Variants in DOCK3 observed in about 807,000 individuals in gnomAD.
DOCK3 encodes dedicator of cytokinesis protein 3.
Under a neutral mutation model 265.6 loss-of-function variants are expected in DOCK3, and 60 were observed. That is an observed-to-expected ratio of 0.23 (90% CI 0.18 to 0.28). DOCK3 has a LOEUF of 0.28. Ranked by LOEUF, DOCK3 falls within the 10% of genes least tolerant of loss-of-function variation. DOCK3 has a pLI of 1.00. For synonymous variants in DOCK3, 881 were observed against 938.0 expected (o/e 0.94, Z 1.11); for missense variants, 1,981 against 2,594.3 (o/e 0.76, Z 5.14).
At chr3:50,854,591 A>ATTTTTTTTTTTTTTTTTTTTTT (rs1559726991) in intron 3 of DOCK3, among the ~76,000 whole-genome samples, 4 of 4,326 alleles carry the variant, frequency 9.2e-4, no homozygotes, top group Middle Eastern at 0.17. Flanking sequence ...CCATCACACC[A>ATTTTTTTTTTTTTTTTTTTTTT]GTTTTTTTTT....
At chr3:51,185,590 C>G (rs1176334128) in intron 12 of DOCK3, among the ~76,000 whole-genome samples, 1 of 152,138 alleles carries the variant, frequency 6.6e-6, no homozygotes, top group East Asian at 1.9e-4. Context: ...TGCATGTTCT[C>G]TCTCTCAGGG....
rs2080463216 is a variant in DOCK3 at position 51,270,985 on chromosome 3, T to C, written c.2526T>C (p.Asp842=). The change falls in exon 24 of 53, where the codon GAT becomes GAC. Residue 842 remains aspartate, a synonymous_variant. Coordinates refer to ENST00000266037, the MANE Select transcript of DOCK3 (RefSeq NM_004947.5). Reference sequence around the variant, plus strand: ...TGCAGTCCATTGCCAGGACAGTGGATAGCCGCCTGTTTTCTTTCTCAGGTA... The same window carrying C: ...TGCAGTCCATTGCCAGGACAGTGGACAGCCGCCTGTTTTCTTTCTCAGGTA... ...VKLQSIARTV[D]SRLFSFSESR... is the part of the protein sequence containing the mutation. The C allele has an allele frequency of 6.2e-7, 1 of 1,612,960 alleles. No individual in the cohort carries two copies. The highest frequency in any genetic ancestry group is 8.5e-7 in the Non-Finnish European group (1 of 1,179,454).
intron 22 of DOCK3, among the ~76,000 whole-genome samples, chr3:51,249,030 G>T (rs1301292302): frequency 1.3e-5 from 2 of 150,374 alleles, no homozygotes; most frequent in Non-Finnish European, 3.0e-5. Context: ...GAGCCTCTCC[G>T]CCCGGCAGCC....
At chr3:50,845,047 A>G (rs1226211612) in intron 3 of DOCK3, among the ~76,000 whole-genome samples, 1 of 152,186 alleles carries the variant, frequency 6.6e-6, no homozygotes, top group African/African-American at 2.4e-5. Flanking sequence ...ACATGGAGAA[A>G]TGCTCTCTCT....
chr3:51,160,511 G>A (rs1215930927), intron 11 of DOCK3, 44 bp from the exon 12 acceptor site: 1 of 1,565,248 alleles, frequency 6.4e-7, no homozygotes, highest in East Asian at 2.3e-5. Flanking sequence ...CTGGAGAGGA[G>A]CATGCTTTTC....
intron 9 of DOCK3, among the ~76,000 whole-genome samples, chr3:51,125,029 C>G (rs1415577196): frequency 6.6e-6 from 1 of 151,624 alleles, no homozygotes; most frequent in African/African-American, 2.4e-5. Context: ...GTCCCAGCTA[C>G]TCAGGAGGCT....
intron 3 of DOCK3, among the ~76,000 whole-genome samples, chr3:50,849,944 G>T (rs934507525): frequency 1.3e-5 from 2 of 151,740 alleles, no homozygotes; most frequent in Non-Finnish European, 2.9e-5. Context: ...AAGCTCTGAC[G>T]TTCTTTCTTC....
Position 51,291,223 on chromosome 3 carries a change from A to G in DOCK3, c.2922+11019A>G, listed in dbSNP as rs184053629. ...AAGAAGCAAGATCTCAAACAACCCA[A>G]TGTCACACCTCAAGGAACTAGTAAA... On this transcript the variant is annotated intron_variant, in intron 27 of 52. Transcript: ENST00000266037. Among the ~76,000 whole-genome samples the G allele has an allele frequency of 2.8e-3, 432 of 152,300 alleles. 2 individuals are homozygous for G. Among genetic ancestry groups the G allele is most frequent in the Non-Finnish European group, 4.4e-3 (301 of 68,032 alleles).
At chr3:51,325,667 G>A (rs1275373439) in intron 32 of DOCK3, among the ~76,000 whole-genome samples, 3 of 152,120 alleles carry the variant, frequency 2.0e-5, no homozygotes, top group African/African-American at 7.2e-5. Context: ...CAACCCAAAT[G>A]CCCATCAATG....
At chr3:51,339,620 C>G (rs1028484667) in intron 37 of DOCK3, among the ~76,000 whole-genome samples, 7 of 152,156 alleles carry the variant, frequency 4.6e-5, no homozygotes, top group Admixed American at 3.9e-4. Flanking sequence ...AATATCAAGG[C>G]CTTTTCTAAC....
intron 1 of DOCK3, among the ~76,000 whole-genome samples, chr3:50,721,764 A>G (rs2037485768): frequency 6.6e-6 from 1 of 152,198 alleles, no homozygotes; most frequent in African/African-American, 2.4e-5. Flanking sequence ...CTAGCATTGA[A>G]TCTGTAGATT....
At chr3:51,043,818 T>C (rs939008949) in intron 5 of DOCK3, among the ~76,000 whole-genome samples, 3 of 152,022 alleles carry the variant, frequency 2.0e-5, no homozygotes, top group Admixed American at 2.0e-4. Flanking sequence ...AACAATCGTA[T>C]GTAAAAAAGC....
chr3:51,214,746 T>C (rs1461286342), intron 14 of DOCK3, among the ~76,000 whole-genome samples: 1 of 152,192 alleles, frequency 6.6e-6, no homozygotes, highest in African/African-American at 2.4e-5. Context: ...AAATTAGACA[T>C]TGTGAATATA....
At chr3:51,254,763 C>T (rs1326523642) in intron 22 of DOCK3, among the ~76,000 whole-genome samples, 4 of 152,112 alleles carry the variant, frequency 2.6e-5, no homozygotes, top group Non-Finnish European at 4.4e-5. Flanking sequence ...ATGTGTGTCT[C>T]TGCATGTGAG....
intron 5 of DOCK3, among the ~76,000 whole-genome samples, chr3:51,009,819 C>T (rs1327206411): frequency 6.6e-6 from 1 of 152,128 alleles, no homozygotes; most frequent in African/African-American, 2.4e-5. Flanking sequence ...TATGTTGTGT[C>T]TTTGTTCTCT....
chr3:51,382,095 C>G lies in DOCK3; in HGVS notation c.*536C>G, dbSNP rs1286907938. ...CAAGCCGTTTTGCACAAATGCCTGC[C>G]CACCTGCCCCTCTTCCATCCAGGAG... is the stretch of plus-strand genomic sequence containing the variant. On this transcript the variant is annotated 3_prime_UTR_variant, in exon 53 of 53. Coordinates refer to ENST00000266037, the MANE Select transcript of DOCK3 (RefSeq NM_004947.5). The G allele has an allele frequency of 6.5e-6, 1 of 152,968 alleles. No individual in the cohort carries two copies. The highest frequency in any genetic ancestry group is 1.9e-4 in the East Asian group (1 of 5,210). The allele number at this position is 152,968 out of a possible 1,614,324, so 9.5% of individuals were successfully genotyped here.
intron 3 of DOCK3, chr3:50,877,699 G>C (rs1344369844): frequency 2.8e-6 from 1 of 350,954 alleles, no homozygotes; most frequent in Non-Finnish European, 5.4e-6. Flanking sequence ...TTTTATGTTG[G>C]AGTCTCGCTG....
chr3:51,007,466 C>G (rs146695767), intron 5 of DOCK3, among the ~76,000 whole-genome samples: 137,213 of 152,198 alleles, frequency 0.9, 62,045 homozygotes, highest in African/African-American at 0.95. Context: ...CTTTTTGATG[C>G]GGTTGATTTT....
intron 3 of DOCK3, among the ~76,000 whole-genome samples, chr3:50,863,616 A>C (rs1312174169): frequency 3.3e-5 from 5 of 151,800 alleles, no homozygotes; most frequent in Non-Finnish European, 7.4e-5. Context: ...ACTTTTTCTC[A>C]GTTTTTCTTT....
Sources: allele counts gnomAD v4.1 joint callset (sites outside exome capture counted in the v4.1 genomes callset), GRCh38; gene constraint gnomAD v4.1.1; transcripts MANE v1.5; gene names NCBI Gene and HGNC (gene_info 2026-07-23, HGNC 2026-07-21).